Variants in MAF observed in about 807,000 individuals in gnomAD.
MAF encodes MAF bZIP transcription factor, also known as transcription factor Maf.
Under a neutral mutation model 22.0 loss-of-function variants are expected in MAF, and 10 were observed. That is an observed-to-expected ratio of 0.45 (90% CI 0.28 to 0.77). The LOEUF is 0.77. MAF is among the 30% of genes least tolerant of loss of function. MAF has a pLI of 0.12. For missense variants in MAF, 544 were observed against 548.4 expected, an observed-to-expected ratio of 0.99 and a Z score of 0.08; for synonymous variants, 337 against 255.8, an observed-to-expected ratio of 1.32 and a Z score of -3.03.
chr16:79,455,605 G>T, the MAF span, among the ~76,000 whole-genome samples: 2,667 of 152,148 alleles, frequency 0.018, 76 homozygotes, highest in African/African-American at 0.06. Context: ...CATCTTAATG[G>T]GGCGGTTTTT....
At chr16:79,286,076 G>C in the MAF span, among the ~76,000 whole-genome samples, 1 of 152,220 alleles carries the variant, frequency 6.6e-6, no homozygotes, top group Non-Finnish European at 1.5e-5. Context: ...AGTTTATTGA[G>C]AGATCAAATA....
the MAF span, among the ~76,000 whole-genome samples, chr16:79,246,825 T>C: frequency 3.4e-5 from 5 of 146,912 alleles, no homozygotes; most frequent in South Asian, 2.2e-4. Flanking sequence ...TGTGTCCATC[T>C]GTCCATCCAT....
the MAF span, among the ~76,000 whole-genome samples, chr16:79,406,899 C>T: frequency 3.9e-5 from 6 of 152,120 alleles, no homozygotes; most frequent in African/African-American, 1.4e-4. Context: ...CCCCACATCC[C>T]AGAGCCAGTA....
At chr16:79,552,031 G>C in the MAF span, among the ~76,000 whole-genome samples, 1 of 151,970 alleles carries the variant, frequency 6.6e-6, no homozygotes, top group Non-Finnish European at 1.5e-5. Flanking sequence ...AATGTTTGGA[G>C]GATAAAACAC....
the MAF span, among the ~76,000 whole-genome samples, chr16:79,368,230 T>C: frequency 6.6e-6 from 1 of 152,158 alleles, no homozygotes; most frequent in African/African-American, 2.4e-5. Context: ...TTTCACTGAA[T>C]ATCCTTACAT....
chr16:79,298,998 C>G, the MAF span, among the ~76,000 whole-genome samples: 1 of 152,270 alleles, frequency 6.6e-6, no homozygotes, highest in African/African-American at 2.4e-5. Flanking sequence ...TGGAGTGGCC[C>G]CTTCTAAGGA....
At chr16:79,527,707 G>C in the MAF span, among the ~76,000 whole-genome samples, 2 of 152,168 alleles carry the variant, frequency 1.3e-5, no homozygotes. Context: ...GTGTGGGGTG[G>C]TGATGTGTAG....
chr16:79,498,385 CTGTA>C, the MAF span, among the ~76,000 whole-genome samples: 3 of 152,174 alleles, frequency 2.0e-5, no homozygotes, highest in Non-Finnish European at 4.4e-5. Context: ...TTCATATAAT[CTGTA>C]TGTGTGATGA....
chr16:79,210,381 C>A, the MAF span, among the ~76,000 whole-genome samples: 1 of 152,276 alleles, frequency 6.6e-6, no homozygotes, highest in East Asian at 1.9e-4. Flanking sequence ...CAAACCAGAC[C>A]ATTTGAGGGA....
At chr16:79,387,665 G>C in the MAF span, among the ~76,000 whole-genome samples, 5 of 152,136 alleles carry the variant, frequency 3.3e-5, no homozygotes, top group Admixed American at 3.3e-4. Context: ...CCTCGGAGGA[G>C]GGCAGCATGT....
the MAF span, among the ~76,000 whole-genome samples, chr16:79,322,150 T>G: frequency 6.6e-6 from 1 of 152,052 alleles, no homozygotes; most frequent in Non-Finnish European, 1.5e-5. Context: ...GAGAATTGCT[T>G]TAATCCCAGG....
At chr16:79,263,102 T>G in the MAF span, among the ~76,000 whole-genome samples, 20 of 152,136 alleles carry the variant, frequency 1.3e-4, no homozygotes, top group Admixed American at 1.3e-3. Flanking sequence ...TTTTACCAAG[T>G]TTTTACCGCT....
At chr16:79,355,179 G>A in the MAF span, among the ~76,000 whole-genome samples, 1 of 152,150 alleles carries the variant, frequency 6.6e-6, no homozygotes, top group African/African-American at 2.4e-5. Context: ...AGAATACATT[G>A]GCAGTACTTG....
chr16:79,495,514 T>A, the MAF span, among the ~76,000 whole-genome samples: 2 of 152,200 alleles, frequency 1.3e-5, no homozygotes, highest in African/African-American at 4.8e-5. Context: ...CTGAGAGTTT[T>A]AGAAGCTCTC....
At chr16:79,591,024 C>T (rs1913161208), downstream of MAF, among the ~76,000 whole-genome samples, 1 of 152,114 alleles carries the variant, frequency 6.6e-6, no homozygotes. Context: ...TTTTTCAGGC[C>T]AGTGTTCCCT....
At chr16:79,231,947 A>G in the MAF span, among the ~76,000 whole-genome samples, 1 of 152,064 alleles carries the variant, frequency 6.6e-6, no homozygotes, top group Admixed American at 6.6e-5. Context: ...ATCATCATGC[A>G]TTAGACTCTC....
At chr16:79,589,422 G>A (rs1288470488), downstream of MAF, among the ~76,000 whole-genome samples, 1 of 152,060 alleles carries the variant, frequency 6.6e-6, no homozygotes, top group Non-Finnish European at 1.5e-5. Flanking sequence ...TTTTAAACAT[G>A]CTATCTGGAT....
chr16:79,300,305 C>T, the MAF span, among the ~76,000 whole-genome samples: 1 of 152,092 alleles, frequency 6.6e-6, no homozygotes, highest in South Asian at 2.1e-4. Flanking sequence ...ACCTGTAATC[C>T]CAGCACTTTG....
chr16:79,377,402 A>T, the MAF span, among the ~76,000 whole-genome samples: 1 of 152,082 alleles, frequency 6.6e-6, no homozygotes, highest in East Asian at 1.9e-4. Flanking sequence ...AATTTGTTTG[A>T]GTTCATTGTA....
Sources: gnomAD v4.1 joint callset for allele counts (sites outside exome capture counted in the v4.1 genomes callset) on GRCh38, gnomAD v4.1.1 for gene constraint, MANE v1.5 for transcripts, NCBI Gene and HGNC (gene_info 2026-07-23, HGNC 2026-07-21) for gene names.